The following ASCC1 variants were observed in gnomAD, a reference collection of about 807,000 sequenced individuals.
The protein encoded by ASCC1 is activating signal cointegrator 1 complex subunit 1.
ASCC1 carries 35 observed loss-of-function variants against 46.6 expected under a neutral mutation model. That is an observed-to-expected ratio of 0.75 (90% CI 0.57 to 0.99). The LOEUF (loss-of-function observed/expected upper bound fraction) is 0.99, where lower values mean the gene tolerates loss of function less well. Ranked by LOEUF, ASCC1 falls within the 50% of genes least tolerant of loss-of-function variation. The pLI, the probability that ASCC1 is intolerant of heterozygous loss-of-function variation, is 0.00. For missense variants in ASCC1, 376 were observed against 428.7 expected, an observed-to-expected ratio of 0.88 and a Z score of 1.09; for synonymous variants, 143 against 146.6, an observed-to-expected ratio of 0.98 and a Z score of 0.18.
chr10:72,213,742 A>G (rs1264330528), intron 1 of ASCC1, among the ~76,000 whole-genome samples: 1 of 151,774 alleles, frequency 6.6e-6, no homozygotes, highest in Admixed American at 6.6e-5. Context: ...CCTCGTCTCT[A>G]AAAAAAGAAA....
intron 5 of ASCC1, among the ~76,000 whole-genome samples, chr10:72,184,309 G>A (rs1853122697): frequency 6.6e-6 from 1 of 151,726 alleles, no homozygotes; most frequent in African/African-American, 2.4e-5. Flanking sequence ...CCCATAGCTA[G>A]AATTACATTA....
intron 4 of ASCC1, among the ~76,000 whole-genome samples, chr10:72,199,290 ATTTT>A (rs755710978): frequency 8.3e-6 from 1 of 121,166 alleles, no homozygotes; most frequent in Non-Finnish European, 1.8e-5. Context: ...CACCCAGCTA[ATTTT>A]TTTTTTTTTT....
rs1841098038 is a variant in ASCC1, at chr10:72,096,418, T to C, written c.*916A>G. On this transcript the variant is annotated 3_prime_UTR_variant, in exon 10 of 10. Transcript: ENST00000672957. ...AAAGGGCTGCAACACTGCAACTCCA[T>C]CAGGGGCATGGGAAGATGAGGGTGG... 2.2e-6 allele frequency: 1 copy of C among 454,126 alleles called. No homozygotes were observed. Among genetic ancestry groups the C allele is most frequent in the Non-Finnish European group, 4.4e-6 (1 of 226,802 alleles). The allele number at this position is 454,126 out of a possible 1,614,324, so 28.1% of individuals were successfully genotyped here.
At chr10:72,177,349 C>A (rs1040024100) in intron 5 of ASCC1, among the ~76,000 whole-genome samples, 1 of 152,112 alleles carries the variant, frequency 6.6e-6, no homozygotes, top group African/African-American at 2.4e-5. Context: ...ACAAATCCTA[C>A]AACTACCCTT....
chr10:72,118,565 A>C (rs906682888), intron 9 of ASCC1, among the ~76,000 whole-genome samples: 1 of 152,036 alleles, frequency 6.6e-6, no homozygotes, highest in Non-Finnish European at 1.5e-5. Context: ...GGATTACCTG[A>C]GGTCAGGAGT....
At chr10:72,116,736 G>C (rs1843536422) in intron 9 of ASCC1, among the ~76,000 whole-genome samples, 1 of 151,960 alleles carries the variant, frequency 6.6e-6, no homozygotes. Flanking sequence ...TTTCTATTTG[G>C]TTCTTTTTCA....
At chr10:72,123,864 A>G (rs947883143) in intron 9 of ASCC1, among the ~76,000 whole-genome samples, 1 of 152,214 alleles carries the variant, frequency 6.6e-6, no homozygotes, top group Non-Finnish European at 1.5e-5. Context: ...TAGTAGTCAC[A>G]TTGTTCATTT....
intron 5 of ASCC1, 49 bp from the exon 6 acceptor site, chr10:72,161,723 A>C (rs1849717638): frequency 6.2e-7 from 1 of 1,611,820 alleles, no homozygotes. Context: ...ACAAAGGCAA[A>C]TGGCAAGAAT....
At chr10:72,120,141 T>C (rs752993868) in intron 9 of ASCC1, among the ~76,000 whole-genome samples, 19 of 152,126 alleles carry the variant, frequency 1.2e-4, no homozygotes, top group Middle Eastern at 3.4e-3. Context: ...GGCGAGAGAA[T>C]TGACTGAACC....
intron 9 of ASCC1, among the ~76,000 whole-genome samples, chr10:72,115,992 A>T (rs1325241538): frequency 6.6e-6 from 1 of 152,218 alleles, no homozygotes; most frequent in African/African-American, 2.4e-5. Context: ...ATCAACAGTT[A>T]ATAAAAGGTG....
intron 7 of ASCC1, chr10:72,133,830 C>T (rs1259074144): frequency 1.2e-5 from 2 of 160,424 alleles, no homozygotes; most frequent in East Asian, 3.6e-4. Flanking sequence ...CAACAGTCAA[C>T]ATCACTATGA....
rs557418547 is a variant in ASCC1 at position 72,189,407 on chromosome 10, C to CA, written c.489+7403dup. Among the ~76,000 whole-genome samples, 165 of 148,678 alleles carry CA rather than the reference C, an allele frequency of 1.1e-3. 3 individuals are homozygous for CA. The East Asian group carries it at 0.024, about 22-fold the overall frequency. On this transcript the variant is annotated intron_variant, in intron 5 of 9. Coordinates refer to ENST00000672957, the MANE Select transcript of ASCC1 (RefSeq NM_001198800.3). The stretch of plus-strand genomic sequence containing the variant: ...TGGGCAACAGAGCAAGACTCCATCT[C>CA]AAAAAAAAATAAAAATAAAAAAATA...
chr10:72,199,160 G>T (rs560575198), intron 4 of ASCC1, among the ~76,000 whole-genome samples: 1 of 151,520 alleles, frequency 6.6e-6, no homozygotes, highest in South Asian at 2.1e-4. Flanking sequence ...GTCTTGCTCT[G>T]TCGCCCAGGC....
chr10:72,100,716 T>G (rs760318987), intron 9 of ASCC1, among the ~76,000 whole-genome samples: 4 of 152,028 alleles, frequency 2.6e-5, no homozygotes, highest in African/African-American at 4.8e-5. Flanking sequence ...TCTTAAGTCT[T>G]TTAGTTCTAT....
At chr10:72,152,693 C>T (rs1848504856) in intron 7 of ASCC1, among the ~76,000 whole-genome samples, 176 bp downstream of exon 7, 1 of 151,956 alleles carries the variant, frequency 6.6e-6, no homozygotes, top group Non-Finnish European at 1.5e-5. Flanking sequence ...GATACTTTTT[C>T]CTACAACAAA....
intron 8 of ASCC1, among the ~76,000 whole-genome samples, chr10:72,131,439 T>TACACAC (rs71927487): frequency 0.044 from 6,095 of 139,352 alleles, 165 homozygotes; most frequent in South Asian, 0.09. Context: ...AAAATAAAAA[T>TACACAC]ACACACACAC....
At chr10:72,135,464 G>A (rs988081223) in intron 7 of ASCC1, among the ~76,000 whole-genome samples, 5 of 152,284 alleles carry the variant, frequency 3.3e-5, no homozygotes, top group African/African-American at 4.8e-5. Flanking sequence ...CAGCAAATAC[G>A]CATTTCTGAG....
At chr10:72,203,857 C>T (rs1174420269) in intron 3 of ASCC1, among the ~76,000 whole-genome samples, 1 of 152,164 alleles carries the variant, frequency 6.6e-6, no homozygotes, top group Non-Finnish European at 1.5e-5. Flanking sequence ...GTGGCTCACA[C>T]CTGTAATCCC....
rs200978574 is a variant in ASCC1 at position 72,204,066 on chromosome 10, T to C, written c.213-542A>G. Reference sequence around the variant, plus strand: ...GAGTTCGAGACCAGCCTGGCCAACATGGCAAAACCCCATCTCTACAAAAAT... The same window carrying C: ...GAGTTCGAGACCAGCCTGGCCAACACGGCAAAACCCCATCTCTACAAAAAT... On this transcript the variant is annotated intron_variant, in intron 3 of 9. Coordinates refer to ENST00000672957, the MANE Select transcript of ASCC1 (RefSeq NM_001198800.3). Among the ~76,000 whole-genome samples, 44 of 152,228 alleles carry C rather than the reference T, an allele frequency of 2.9e-4. No individual in the cohort carries two copies. In the East Asian group the frequency reaches 7.7e-3, roughly 27 times the overall value.
Sources: allele counts gnomAD v4.1 joint callset (sites outside exome capture counted in the v4.1 genomes callset), GRCh38; gene constraint gnomAD v4.1.1; transcripts MANE v1.5; gene names NCBI Gene and HGNC (gene_info 2026-07-23, HGNC 2026-07-21).